Variants in RANBP10 observed in about 807,000 individuals in gnomAD.
The protein encoded by RANBP10 is ran-binding protein 10.
RANBP10 carries 24 observed loss-of-function variants against 72.8 expected under a neutral mutation model. That is an observed-to-expected ratio of 0.33 (90% CI 0.24 to 0.46). The LOEUF is 0.46. RANBP10 is among the 20% of genes least tolerant of loss of function. RANBP10 has a pLI of 1.00. For synonymous variants in RANBP10, 310 were observed against 322.3 expected (o/e 0.96, Z 0.41); for missense variants, 679 against 817.5 (o/e 0.83, Z 2.07).
In RANBP10 at chr16:67,741,721, A is replaced by G. The variant is rs2053972905; in HGVS notation, c.568+2567T>C. 3.3e-5 allele frequency among the ~76,000 whole-genome samples: 5 copies of G among 152,228 alleles called. No homozygotes were observed. The South Asian group carries it at 8.3e-4, about 25-fold the overall frequency. On this transcript the variant is annotated intron_variant, in intron 4 of 13. Transcript: ENST00000317506. The stretch of plus-strand genomic sequence containing the variant: ...AACCTGGCCCTCAGATTCCAGCAAG[A>G]GAGATGGCACATGACTAAGAATTAT...
chr16:67,741,431 C>T (rs544302074), intron 4 of RANBP10, among the ~76,000 whole-genome samples: 3 of 152,304 alleles, frequency 2.0e-5, no homozygotes, highest in East Asian at 1.9e-4. Flanking sequence ...AGTTGGCCCA[C>T]GGGAAGAAGG....
chr16:67,729,838 G>T lies in RANBP10; in HGVS notation c.999-10C>A. ...CACAAACTGCCGGCACCTGTGGAGG[G>T]AGCGGAGCAATAATGCTCTGGTTGT... On this transcript the variant is annotated splice_polypyrimidine_tract_variant and intron_variant, in intron 8 of 13. Transcript: ENST00000317506. The surrounding 1 kb of genome is among the most constrained non-coding windows in gnomAD (Gnocchi z 7.1). 6.2e-7 allele frequency: 1 copy of T among 1,613,692 alleles called. No individual in the cohort carries two copies. Among genetic ancestry groups the T allele is most frequent in the East Asian group, 2.2e-5 (1 of 44,872 alleles).
chr16:67,744,079 T>C, intron 4 of RANBP10: 2 of 984,490 alleles, frequency 2.0e-6, no homozygotes, highest in Non-Finnish European at 2.4e-6. Context: ...GCATCCTCCC[T>C]GGGCTGGATA....
chr16:67,769,443 C>A (rs1376041036), intron 3 of RANBP10, among the ~76,000 whole-genome samples: 18 of 30,306 alleles, frequency 5.9e-4, no homozygotes, highest in East Asian at 1.4e-3. Context: ...GACCCTGTCT[C>A]AAAAAAAAAA....
chr16:67,728,077 T>C (rs2053644912), intron 11 of RANBP10, among the ~76,000 whole-genome samples, 181 bp from the exon 12 acceptor site: 1 of 152,158 alleles, frequency 6.6e-6, no homozygotes, highest in Non-Finnish European at 1.5e-5. Flanking sequence ...TGGCGCACAG[T>C]CTAGGATTTA....
At chr16:67,757,029 A>T (rs2054298366) in intron 3 of RANBP10, among the ~76,000 whole-genome samples, 1 of 151,750 alleles carries the variant, frequency 6.6e-6, no homozygotes, top group Admixed American at 6.6e-5. Context: ...ACATAGAGAA[A>T]CCCCGTCTTA....
chr16:67,781,130 C>T (rs1431560189), intron 2 of RANBP10, among the ~76,000 whole-genome samples: 1 of 152,222 alleles, frequency 6.6e-6, no homozygotes, highest in African/African-American at 2.4e-5. Flanking sequence ...CACCTGAGCG[C>T]AGTGCCGGAG....
In RANBP10 at chr16:67,724,795, G is replaced by A. The variant is rs2053572978; in HGVS notation, c.*1633C>T. On this transcript the variant is annotated 3_prime_UTR_variant, in exon 14 of 14. Transcript: ENST00000317506. Reference sequence around the variant, plus strand: ...CCATTCCCATGTCCACCAATATGGAGCAGGAGCTTGCAAAGCCCAGATTCA... The same window carrying A: ...CCATTCCCATGTCCACCAATATGGAACAGGAGCTTGCAAAGCCCAGATTCA... 6.6e-6 allele frequency: 1 copy of A among 152,258 alleles called. No individual in the cohort carries two copies. The highest frequency in any genetic ancestry group is 2.4e-5 in the African/African-American group (1 of 41,450). The allele number at this position is 152,258 out of a possible 1,614,324, so 9.4% of individuals were successfully genotyped here.
chr16:67,727,557 G>T, intron 12 of RANBP10, 119 bp from the exon 13 acceptor site: 1 of 1,309,830 alleles, frequency 7.6e-7, no homozygotes, highest in Non-Finnish European at 1.1e-6. Flanking sequence ...TGGGGTGTAG[G>T]GTCGGGCAGG....
At position 67,791,117 on chromosome 16, in the gene RANBP10, G is replaced by A. The variant is rs1047905698; in HGVS notation, c.347+14311C>T. ...CAACCTCTGCCTCCCGGGTTGAAGC[G>A]ATTCTCCTGCCTCAGCCTCCCAAGT... is the stretch of plus-strand genomic sequence containing the variant. On this transcript the variant is annotated intron_variant, in intron 2 of 13. Transcript: ENST00000317506. Among the ~76,000 whole-genome samples, 5 of 151,210 alleles carry A rather than the reference G, an allele frequency of 3.3e-5. No homozygotes were observed. The South Asian group carries it at 8.4e-4, about 25-fold the overall frequency.
intron 4 of RANBP10, among the ~76,000 whole-genome samples, chr16:67,743,017 G>A (rs950425905): frequency 1.3e-5 from 2 of 152,156 alleles, no homozygotes; most frequent in Admixed American, 6.5e-5. Context: ...CTATGTTCTC[G>A]GCTGCCTAGC....
intron 2 of RANBP10, among the ~76,000 whole-genome samples, chr16:67,803,837 A>T (rs1165075592): frequency 6.0e-5 from 9 of 150,156 alleles, no homozygotes; most frequent in African/African-American, 2.2e-4. Flanking sequence ...CATTAAAAAA[A>T]AAAAAAAAAA....
intron 3 of RANBP10, among the ~76,000 whole-genome samples, chr16:67,760,576 A>C (rs566197554): frequency 2.4e-4 from 37 of 152,188 alleles, no homozygotes; most frequent in Non-Finnish European, 5.0e-4. Context: ...CTCCTCCCAC[A>C]AAGGCCAGGG....
At chr16:67,787,739 T>C (rs949287072) in intron 2 of RANBP10, among the ~76,000 whole-genome samples, 1 of 152,148 alleles carries the variant, frequency 6.6e-6, no homozygotes, top group African/African-American at 2.4e-5. Context: ...TGGTGGCACA[T>C]GCCTGTAATC....
chr16:67,732,719 A>G (rs2053757695), intron 6 of RANBP10, among the ~76,000 whole-genome samples: 2 of 152,002 alleles, frequency 1.3e-5, no homozygotes, highest in African/African-American at 4.8e-5. Context: ...GGAGTTCAAG[A>G]CCAGCCTGGC....
chr16:67,767,752 G>A (rs13336549), intron 3 of RANBP10, among the ~76,000 whole-genome samples: 5,123 of 152,000 alleles, frequency 0.034, 235 homozygotes, highest in African/African-American at 0.11. Context: ...GCCCACCACC[G>A]CGCCCGGCTA....
chr16:67,751,662 T>C (rs554029077), intron 3 of RANBP10, among the ~76,000 whole-genome samples: 1 of 152,054 alleles, frequency 6.6e-6, no homozygotes, highest in African/African-American at 2.4e-5. Context: ...ACGCCTATAA[T>C]CCCAGTACTT....
intron 3 of RANBP10, among the ~76,000 whole-genome samples, chr16:67,767,885 C>A (rs1019459025): frequency 6.6e-6 from 1 of 151,960 alleles, no homozygotes; most frequent in African/African-American, 2.4e-5. Flanking sequence ...CATGAGCCAC[C>A]GCGCCCTGCC....
At chr16:67,788,780 C>A (rs1467108629) in intron 2 of RANBP10, among the ~76,000 whole-genome samples, 1 of 149,422 alleles carries the variant, frequency 6.7e-6, no homozygotes. Flanking sequence ...ACGGGCAGAT[C>A]TCTTGAGGTC....
Sources: gnomAD v4.1 joint callset for allele counts (sites outside exome capture counted in the v4.1 genomes callset) on GRCh38, gnomAD v4.1.1 for gene constraint, Gnocchi (gnomAD v3.1) non-coding constraint, MANE v1.5 for transcripts, NCBI Gene and HGNC (gene_info 2026-07-23, HGNC 2026-07-21) for gene names.